Variants in RASSF9 observed in about 807,000 individuals in gnomAD.
The protein encoded by RASSF9 is Ras association domain family member 9, also known as ras association domain-containing protein 9.
In RASSF9, 18 loss-of-function variants were observed where a neutral mutation model predicts 21.4. That is an observed-to-expected ratio of 0.84 (90% CI 0.58 to 1.25). The LOEUF (loss-of-function observed/expected upper bound fraction) is 1.25. Among genes scored for constraint, RASSF9 ranks in the 50% most tolerant of loss-of-function variants. The pLI, the probability that RASSF9 is intolerant of heterozygous loss-of-function variation, is 0.00. For synonymous variants in RASSF9, 183 were observed against 179.1 expected (o/e 1.02, Z -0.18); for missense variants, 480 against 503.2 (o/e 0.95, Z 0.44).
chr12:85,834,895 T>C (rs1880525733), intron 1 of RASSF9, among the ~76,000 whole-genome samples: 1 of 152,126 alleles, frequency 6.6e-6, no homozygotes, highest in Non-Finnish European at 1.5e-5. Flanking sequence ...TTTATTTTAA[T>C]ATAGTTTCAT....
chr12:85,829,876 T>C (rs1880412032), intron 1 of RASSF9, among the ~76,000 whole-genome samples: 1 of 152,138 alleles, frequency 6.6e-6, no homozygotes, highest in South Asian at 2.1e-4. Flanking sequence ...CTGTCAAAGA[T>C]AGTTTTCCAT....
intron 1 of RASSF9, among the ~76,000 whole-genome samples, chr12:85,824,862 C>T (rs1880295925): frequency 6.6e-6 from 1 of 152,214 alleles, no homozygotes; most frequent in Non-Finnish European, 1.5e-5. Context: ...AACCTGTTGC[C>T]TTGTCCTGAA....
intron 1 of RASSF9, among the ~76,000 whole-genome samples, chr12:85,822,976 G>A (rs371014943): frequency 1.3e-5 from 2 of 152,004 alleles, no homozygotes; most frequent in African/African-American, 2.4e-5. Flanking sequence ...CGAGGCGGGC[G>A]GATCACGAGG....
chr12:85,813,416 TTGAC>T (rs916133432), intron 1 of RASSF9, among the ~76,000 whole-genome samples: 1 of 151,968 alleles, frequency 6.6e-6, no homozygotes, highest in Admixed American at 6.6e-5. Context: ...AATAATTTAA[TTGAC>T]TAAGCACAAA....
At chr12:85,830,101 G>A (rs542811063) in intron 1 of RASSF9, among the ~76,000 whole-genome samples, 1 of 152,224 alleles carries the variant, frequency 6.6e-6, no homozygotes, top group South Asian at 2.1e-4. Context: ...ATGAGTAGGA[G>A]ATATGCTCCA....
chr12:85,809,329 G>A (rs1292231278), intron 1 of RASSF9, among the ~76,000 whole-genome samples: 1 of 152,074 alleles, frequency 6.6e-6, no homozygotes, highest in Non-Finnish European at 1.5e-5. Context: ...CCAATGGAAT[G>A]AACCACAGTG....
rs184264222 is a variant in RASSF9, at chr12:85,805,107, A to T, written c.903T>A (p.Asp301Glu). The stretch of plus-strand genomic sequence containing the variant: ...GTTCACTTGCAGCTTCCCCTTCCGC[A>T]TCTTCATTTATATCAATGCAAACAC... Reference protein sequence around the residue: ...VKSVCIDINEDAEGEAASELE... With the variant: ...VKSVCIDINEEAEGEAASELE... The change falls in exon 2 of 2, where the codon GAT becomes GAA. Residue 301 changes from aspartate to glutamate, a missense_variant. Coordinates refer to ENST00000361228, the MANE Select transcript of RASSF9 (RefSeq NM_005447.4). 6.2e-7 allele frequency: 1 copy of T among 1,613,962 alleles called. No individual in the cohort carries two copies. The highest frequency in any genetic ancestry group is 8.5e-7 in the Non-Finnish European group (1 of 1,179,888).
intron 1 of RASSF9, among the ~76,000 whole-genome samples, chr12:85,809,828 A>G (rs368361913): frequency 8.6e-5 from 13 of 151,900 alleles, no homozygotes; most frequent in Non-Finnish European, 1.0e-4. Flanking sequence ...GCCAGTTTTC[A>G]GCTCATATGG....
chr12:85,805,389 C>T lies in RASSF9; in HGVS notation c.621G>A (p.Leu207=). 1 of 1,613,566 alleles carries T rather than the reference C, an allele frequency of 6.2e-7. No homozygotes were observed. Among genetic ancestry groups the T allele is most frequent in the Non-Finnish European group, 8.5e-7 (1 of 1,179,740 alleles). The change falls in exon 2 of 2, where the codon CTG becomes CTA. Residue 207 remains leucine, a synonymous_variant. Transcript: ENST00000361228. ...IHQQVKRMKE[L]DLEIEKCEAK... ...CTTCACACTTTTCAATTTCCAGATC[C>T]AGCTCTTTCATTCTCTTGACTTGCT...
At chr12:85,824,582 T>G (rs1407656772) in intron 1 of RASSF9, among the ~76,000 whole-genome samples, 2 of 152,218 alleles carry the variant, frequency 1.3e-5, no homozygotes, top group East Asian at 3.8e-4. Context: ...TTTAAACTAT[T>G]TCTAAGTCCT....
chr12:85,824,570 T>C (rs2136560789), intron 1 of RASSF9, among the ~76,000 whole-genome samples: 1 of 152,332 alleles, frequency 6.6e-6, no homozygotes, highest in East Asian at 1.9e-4. Flanking sequence ...TTTATTGAAA[T>C]CTTTAAACTA....
Position 85,805,842 on chromosome 12 carries a change from C to A in RASSF9, c.168G>T (p.Leu56Phe). 6.2e-7 allele frequency: 1 copy of A among 1,613,964 alleles called. No individual in the cohort carries two copies. Among genetic ancestry groups the A allele is most frequent in the South Asian group, 1.1e-5 (1 of 91,076 alleles). Residue 56 changes from leucine (L) to phenylalanine (F), a missense_variant, in exon 2 of 2, where the codon TTG (leucine) becomes TTT (phenylalanine). Transcript: ENST00000361228. Reference sequence around the variant, plus strand: ...CAAACGTAGCCTCATGTTCCTCAAGCAAAGCCTGGATGACATCAGCAGAGG... The same window carrying A: ...CAAACGTAGCCTCATGTTCCTCAAGAAAAGCCTGGATGACATCAGCAGAGG... ...RTTSADVIQA[L>F]LEEHEATFGE...
chr12:85,814,412 C>T lies in RASSF9; in HGVS notation c.48-8450G>A, dbSNP rs538768795. ...AATATCCTACAATGCACAAGACAGCCTCTCACATCAAATAATTATCTGGCC... is the reference window on the plus strand; with the variant it reads ...AATATCCTACAATGCACAAGACAGCTTCTCACATCAAATAATTATCTGGCC... On this transcript the variant is annotated intron_variant, in intron 1 of 1. Transcript: ENST00000361228. Among the ~76,000 whole-genome samples, 6 of 152,068 alleles carry T rather than the reference C, an allele frequency of 3.9e-5. No individual in the cohort carries two copies. The East Asian group carries it at 9.7e-4, about 24-fold the overall frequency.
rs371981200 is a variant in RASSF9, at chr12:85,805,527, G to A, written c.483C>T (p.Val161=). The change falls in exon 2 of 2, where the codon GTC becomes GTT. Residue 161 remains valine (V), a synonymous_variant. Transcript: ENST00000361228. ...TLPPDKQKRI[V]RKTFRKLAKI... is the part of the protein sequence containing the mutation. ...TAGCCAGTTTCCGGAAAGTTTTCCTGACTATTCTTTTTTGTTTATCTGGTG... is the reference window on the plus strand; with the variant it reads ...TAGCCAGTTTCCGGAAAGTTTTCCTAACTATTCTTTTTTGTTTATCTGGTG... The A allele has an allele frequency of 3.1e-6, 5 of 1,613,766 alleles. No individual in the cohort carries two copies. The African/African-American group carries it at 6.7e-5, about 22-fold the overall frequency.
rs774862026 is a variant in RASSF9, at chr12:85,805,961, A to T, written c.49T>A (p.Ser17Thr). Residue 17 changes from serine to threonine, a missense_variant and splice_region_variant, in exon 2 of 2, where the codon TCT becomes ACT. Ser to Thr is a moderately conservative substitution (Grantham distance 58). Coordinates refer to ENST00000361228, the MANE Select transcript of RASSF9 (RefSeq NM_005447.4). The part of the protein sequence containing the change: ...NLLKTRHKNR[S>T]PTKDMDSEEK... ...TCTGAATCCATGTCTTTAGTTGGAG[A>T]TCTGAAAGAAAAACAAAAGCACATT... 6 of 1,597,758 alleles carry T rather than the reference A, an allele frequency of 3.8e-6. No homozygotes were observed. The highest frequency in any genetic ancestry group is 5.1e-6 in the Non-Finnish European group (6 of 1,171,442).
At chr12:85,807,348 C>A (rs1010590149) in intron 1 of RASSF9, among the ~76,000 whole-genome samples, 6 of 152,066 alleles carry the variant, frequency 3.9e-5, no homozygotes. Context: ...TCTCCTTTCT[C>A]CATCCCCTAC....
At chr12:85,830,238 A>T (rs1592534647) in intron 1 of RASSF9, among the ~76,000 whole-genome samples, 1 of 152,066 alleles carries the variant, frequency 6.6e-6, no homozygotes, top group South Asian at 2.1e-4. Flanking sequence ...ACAAATGACC[A>T]TGATTCTTGA....
Position 85,805,023 on chromosome 12 carries a change from ACCAGCT to A in RASSF9, c.981_986del (p.Lys327_Gly329delinsAsn). 6.2e-7 allele frequency: 1 copy of A among 1,613,930 alleles called. No homozygotes were observed. The highest frequency in any genetic ancestry group is 8.5e-7 in the Non-Finnish European group (1 of 1,179,842). Reference sequence around the variant, plus strand: ...CACTCAAATGAGAGTGAATTTTCAAACCAGCTTTCATGCTTTTCTCCAAATCACACT... The same window carrying A: ...CACTCAAATGAGAGTGAATTTTCAAATTCATGCTTTTCTCCAAATCACACT... On this transcript the variant is annotated inframe_deletion, in exon 2 of 2. Coordinates refer to ENST00000361228, the MANE Select transcript of RASSF9 (RefSeq NM_005447.4).
chr12:85,819,099 T>A (rs1271172447), intron 1 of RASSF9, among the ~76,000 whole-genome samples: 1 of 152,018 alleles, frequency 6.6e-6, no homozygotes, highest in Non-Finnish European at 1.5e-5. Flanking sequence ...AGTTTCTTCA[T>A]GGTATTGTAA....
Sources: gnomAD v4.1 joint callset for allele counts (sites outside exome capture counted in the v4.1 genomes callset) on GRCh38, gnomAD v4.1.1 for gene constraint, MANE v1.5 for transcripts, NCBI Gene and HGNC (gene_info 2026-07-23, HGNC 2026-07-21) for gene names.